RIN2: variants seen among roughly 807,000 people sequenced by gnomAD.
RIN2 encodes the protein RAB5 interacting protein 2.
RIN2 carries 36 observed loss-of-function variants against 78.0 expected under a neutral mutation model. The ratio of observed to expected loss-of-function variants is 0.46; its 90% CI spans 0.35 to 0.61. The LOEUF is 0.61. Among genes scored for constraint, RIN2 ranks in the 20% least tolerant of loss-of-function variants. RIN2 has a pLI of 0.00. For synonymous variants in RIN2, 466 were observed against 466.8 expected, an observed-to-expected ratio of 1.00 and a Z score of 0.02; for missense variants, 1,087 against 1,159.7, an observed-to-expected ratio of 0.94 and a Z score of 0.91.
intron 6 of RIN2, among the ~76,000 whole-genome samples, chr20:19,962,468 CGTT>C (rs1259405462): frequency 3.9e-5 from 6 of 152,188 alleles, no homozygotes; most frequent in African/African-American, 1.2e-4. Flanking sequence ...GAAGCTTCCT[CGTT>C]GTTCATTGAG....
At chr20:19,827,767 C>T (rs1330048458) in intron 2 of RIN2, among the ~76,000 whole-genome samples, 1 of 151,512 alleles carries the variant, frequency 6.6e-6, no homozygotes, top group Non-Finnish European at 1.5e-5. Context: ...AAATTAATTG[C>T]TCCCATTGTC....
At chr20:19,819,039 C>T (rs760242433) in intron 2 of RIN2, among the ~76,000 whole-genome samples, 34 of 152,190 alleles carry the variant, frequency 2.2e-4, no homozygotes, top group Middle Eastern at 3.4e-3. Flanking sequence ...TGCATGTGCA[C>T]GTGGGCATAC....
At chr20:19,823,407 T>C in intron 2 of RIN2, 1 of 685,560 alleles carries the variant, frequency 1.5e-6, no homozygotes, top group Non-Finnish European at 2.6e-6. Flanking sequence ...TTTTCTTTTT[T>C]TGTCAAATGA....
intron 12 of RIN2, among the ~76,000 whole-genome samples, chr20:19,998,088 C>T (rs1370628904): frequency 2.0e-5 from 3 of 151,946 alleles, no homozygotes; most frequent in East Asian, 4.0e-4. Context: ...AAACGATTCT[C>T]CTGCCTCAGC....
intron 3 of RIN2, among the ~76,000 whole-genome samples, 156 bp from the exon 4 acceptor site, chr20:19,934,943 A>G (rs1419772996): frequency 1.3e-5 from 2 of 150,720 alleles, no homozygotes; most frequent in African/African-American, 2.4e-5. Context: ...TCCTCTGGCT[A>G]GAGGAAATTC....
In RIN2 at chr20:19,974,941, T is replaced by TCCCCCCCCCCCCCGCCCCC; in HGVS notation, c.923_924insCCCCCCGCCCCCCCCCCCC (p.Arg310ProfsTer14). On this transcript the variant is annotated frameshift_variant, in exon 9 of 13. Transcript: ENST00000255006. LOFTEE classifies it high-confidence loss of function. ...CGCGAATGGCACGGAGCGGACTCGG[T>TCCCCCCCCCCCCCGCCCCC]CCCCCCCACCCAGGCCCCCGCCACC... 6.4e-7 allele frequency: 1 copy of TCCCCCCCCCCCCCGCCCCC among 1,571,252 alleles called. No individual in the cohort carries two copies. Among genetic ancestry groups the TCCCCCCCCCCCCCGCCCCC allele is most frequent in the Non-Finnish European group, 8.7e-7 (1 of 1,144,076 alleles).
chr20:19,905,859 A>C (rs1448873994), intron 3 of RIN2, among the ~76,000 whole-genome samples: 1 of 152,258 alleles, frequency 6.6e-6, no homozygotes, highest in Non-Finnish European at 1.5e-5. Flanking sequence ...TATTGCCCCT[A>C]TATAATAATT....
chr20:19,821,983 A>C (rs1044528444), intron 2 of RIN2, among the ~76,000 whole-genome samples: 42 of 152,336 alleles, frequency 2.8e-4, no homozygotes, highest in African/African-American at 8.2e-4. Context: ...TTCAGTGCTT[A>C]GGCTGCAGAA....
chr20:19,868,917 C>A (rs2037592250), intron 2 of RIN2, among the ~76,000 whole-genome samples: 1 of 151,892 alleles, frequency 6.6e-6, no homozygotes, highest in South Asian at 2.1e-4. Context: ...CTTGTCTCTA[C>A]TAAAAATACA....
intron 2 of RIN2, chr20:19,871,971 T>C (rs988943754): frequency 3.3e-5 from 5 of 152,062 alleles, no homozygotes; most frequent in Admixed American, 6.6e-5. Context: ...ACAGGGTGGG[T>C]GATATGGTTA....
intron 8 of RIN2, among the ~76,000 whole-genome samples, chr20:19,973,070 A>G (rs1288626873): frequency 6.6e-6 from 1 of 152,200 alleles, no homozygotes; most frequent in African/African-American, 2.4e-5. Context: ...CAGGCCCTGA[A>G]TGTTTGTCAG....
intron 9 of RIN2, among the ~76,000 whole-genome samples, chr20:19,986,557 C>T (rs2042629664): frequency 6.6e-6 from 1 of 152,140 alleles, no homozygotes; most frequent in African/African-American, 2.4e-5. Flanking sequence ...GAATTCCCCT[C>T]GAAGGCCAGC....
Position 19,804,497 on chromosome 20 carries a change from C to A in RIN2, c.-37+4750C>A, listed in dbSNP as rs574871204. 6.6e-5 allele frequency among the ~76,000 whole-genome samples: 10 copies of A among 152,196 alleles called. No individual in the cohort carries two copies. In the South Asian group the frequency reaches 2.1e-3, roughly 32 times the overall value. On this transcript the variant is annotated intron_variant, in intron 2 of 12. Transcript: ENST00000255006. ...TTAGTTCTGTTTATATGATGAATTA[C>A]CTTTATTGATTTGCATATATCAAAC...
chr20:19,953,480 C>T (rs191181756), intron 4 of RIN2, among the ~76,000 whole-genome samples: 1 of 151,664 alleles, frequency 6.6e-6, no homozygotes, highest in Admixed American at 6.6e-5. Flanking sequence ...TGCTCTGTTG[C>T]CCAGCCTGGA....
intron 3 of RIN2, among the ~76,000 whole-genome samples, chr20:19,918,118 A>G (rs924602780): frequency 6.6e-6 from 1 of 152,182 alleles, no homozygotes; most frequent in African/African-American, 2.4e-5. Flanking sequence ...TGTGACTGTG[A>G]CACCCACGCC....
At chr20:19,872,866 A>G (rs1028903849) in intron 2 of RIN2, among the ~76,000 whole-genome samples, 2 of 152,172 alleles carry the variant, frequency 1.3e-5, no homozygotes, top group Non-Finnish European at 2.9e-5. Context: ...TATTCAGGTG[A>G]TGGATATAGC....
At chr20:19,883,928 G>A (rs1225046691) in intron 2 of RIN2, among the ~76,000 whole-genome samples, 2 of 151,156 alleles carry the variant, frequency 1.3e-5, no homozygotes, top group Admixed American at 1.3e-4. Context: ...AAAAATTGAG[G>A]CACTGGACAT....
rs539359156 is a variant in RIN2 at position 19,912,938 on chromosome 20, G to A, written c.58-22161G>A. On this transcript the variant is annotated intron_variant, in intron 3 of 12. Coordinates refer to ENST00000255006, the MANE Select transcript of RIN2 (RefSeq NM_018993.4). ...CACAGCATCAAGAGGTGCCATGAGCGTGCGGTGCACAGGCTGAGCCTCAGT... is the reference window on the plus strand; with the variant it reads ...CACAGCATCAAGAGGTGCCATGAGCATGCGGTGCACAGGCTGAGCCTCAGT... Among the ~76,000 whole-genome samples the A allele has an allele frequency of 1.9e-3, 287 of 152,322 alleles. 1 individual carries two copies. Among genetic ancestry groups the A allele is most frequent in the Middle Eastern group, 3.4e-3 (1 of 294 alleles).
At chr20:19,931,974 A>G (rs774818889) in intron 3 of RIN2, among the ~76,000 whole-genome samples, 2 of 152,324 alleles carry the variant, frequency 1.3e-5, no homozygotes, top group Non-Finnish European at 2.9e-5. Context: ...CTTTAACCCT[A>G]CAAGATGTTG....
Sources: allele counts gnomAD v4.1 joint callset (sites outside exome capture counted in the v4.1 genomes callset), GRCh38; gene constraint gnomAD v4.1.1; transcripts MANE v1.5; gene names NCBI Gene and HGNC (gene_info 2026-07-23, HGNC 2026-07-21).